SYN3: variants seen among roughly 807,000 people sequenced by gnomAD.
The protein encoded by SYN3 is synapsin-3.
A neutral mutation model predicts 65.8 loss-of-function variants in SYN3; 35 were observed. That is an observed-to-expected ratio of 0.53 (90% CI 0.41 to 0.70). SYN3 has a LOEUF of 0.70. SYN3 is among the 30% of genes least tolerant of loss of function. The pLI, the probability that SYN3 is intolerant of heterozygous loss-of-function variation, is 0.00. For synonymous variants in SYN3, 270 were observed against 292.9 expected, an observed-to-expected ratio of 0.92 and a Z score of 0.80; for missense variants, 680 against 749.0, an observed-to-expected ratio of 0.91 and a Z score of 1.08.
At chr22:32,828,619 G>T (rs1443827168) in intron 6 of SYN3, among the ~76,000 whole-genome samples, 1 of 152,232 alleles carries the variant, frequency 6.6e-6, no homozygotes, top group Non-Finnish European at 1.5e-5. Context: ...CAGGCCCAGG[G>T]ACAGGAAGTG....
chr22:32,516,073 C>T (rs1366193154), intron 13 of SYN3, among the ~76,000 whole-genome samples: 1 of 152,196 alleles, frequency 6.6e-6, no homozygotes, highest in East Asian at 1.9e-4. Context: ...GTTGGGATTA[C>T]AGGCATGAGC....
intron 4 of SYN3, among the ~76,000 whole-genome samples, chr22:32,873,993 G>A (rs988509030): frequency 1.3e-5 from 2 of 152,088 alleles, no homozygotes. Context: ...AATTAGCTGG[G>A]CATAGTGGCA....
In SYN3 at chr22:32,569,454, A is replaced by C. The variant is rs952316171; in HGVS notation, c.774+27220T>G. ...ATCTATCTATCTATCTATCTTCTCT[A>C]TCTATCTAAAATCTATCAATTGATC... is the stretch of plus-strand genomic sequence containing the variant. On this transcript the variant is annotated intron_variant, in intron 7 of 13. Coordinates refer to ENST00000358763, the MANE Select transcript of SYN3 (RefSeq NM_003490.4). Among the ~76,000 whole-genome samples the C allele has an allele frequency of 9.6e-4, 137 of 142,258 alleles. 1 individual carries two copies. The highest frequency in any genetic ancestry group is 2.9e-3 in the African/African-American group (110 of 38,032). The allele number at this position is 142,258 out of a possible 152,430, so 93.3% of individuals were successfully genotyped here.
At chr22:32,990,349 C>T (rs536423417) in intron 2 of SYN3, among the ~76,000 whole-genome samples, 1 of 151,492 alleles carries the variant, frequency 6.6e-6, no homozygotes, top group South Asian at 2.1e-4. Context: ...TCCATCCACC[C>T]ATCCATCCAC....
chr22:32,760,264 G>T (rs1300010483), intron 6 of SYN3, among the ~76,000 whole-genome samples: 4 of 138,178 alleles, frequency 2.9e-5, no homozygotes, highest in African/African-American at 1.1e-4. Context: ...GCCCTTCCTT[G>T]ATTGAGTCTA....
chr22:32,593,742 T>G (rs561645795), intron 7 of SYN3, among the ~76,000 whole-genome samples: 166 of 152,170 alleles, frequency 1.1e-3, no homozygotes, highest in Non-Finnish European at 1.9e-3. Flanking sequence ...CCTGATGCTC[T>G]GGGAAGGAAA....
chr22:32,979,163 G>T (rs2052298319), intron 3 of SYN3, among the ~76,000 whole-genome samples: 1 of 150,546 alleles, frequency 6.6e-6, no homozygotes, highest in Non-Finnish European at 1.5e-5. Flanking sequence ...ACTCCAGCCT[G>T]GGCAAGAGAG....
intron 2 of SYN3, among the ~76,000 whole-genome samples, chr22:32,982,604 T>C (rs900453688): frequency 2.0e-5 from 3 of 152,240 alleles, no homozygotes; most frequent in Non-Finnish European, 4.4e-5. Context: ...TTATAATTAG[T>C]AACTGTGTTT....
At chr22:33,005,224 G>A (rs961653802) in intron 2 of SYN3, among the ~76,000 whole-genome samples, 1 of 152,158 alleles carries the variant, frequency 6.6e-6, no homozygotes, top group Non-Finnish European at 1.5e-5. Flanking sequence ...CACCTACTAT[G>A]TGGCCACCTT....
intron 6 of SYN3, among the ~76,000 whole-genome samples, chr22:32,798,038 A>G (rs977475163): frequency 1.3e-5 from 2 of 152,212 alleles, no homozygotes; most frequent in African/African-American, 4.8e-5. Context: ...TTCATTTCCC[A>G]GAAACAAAGT....
intron 6 of SYN3, among the ~76,000 whole-genome samples, chr22:32,607,943 G>A (rs1203998298): frequency 6.6e-6 from 1 of 152,162 alleles, no homozygotes; most frequent in Admixed American, 6.5e-5. Context: ...ATGGATACAC[G>A]CAGCTGCGGG....
At chr22:32,612,186 T>C (rs1233498470) in intron 6 of SYN3, among the ~76,000 whole-genome samples, 1 of 152,152 alleles carries the variant, frequency 6.6e-6, no homozygotes, top group African/African-American at 2.4e-5. Context: ...CCAATAAATA[T>C]AAGTAAAGTG....
Position 33,006,682 on chromosome 22 carries a change from T to C in SYN3, c.-20A>G. On this transcript the variant is annotated 5_prime_UTR_variant, in exon 2 of 14. Transcript: ENST00000358763. ...ATTCATGGCTGTGGATGGATGGAGA[T>C]GACTGGCTCCTACCCAGACGTGTGT... 6.4e-7 allele frequency: 1 copy of C among 1,557,286 alleles called. No homozygotes were observed. Among genetic ancestry groups the C allele is most frequent in the Non-Finnish European group, 8.7e-7 (1 of 1,150,896 alleles).
chr22:32,977,780 T>G (rs1310845531), intron 3 of SYN3, among the ~76,000 whole-genome samples: 8 of 149,972 alleles, frequency 5.3e-5, no homozygotes, highest in Admixed American at 5.3e-4. Flanking sequence ...TTATCGCCCC[T>G]GGAAACTGAC....
At chr22:33,046,006 A>AG in intron 1 of SYN3, among the ~76,000 whole-genome samples, 1 of 150,504 alleles carries the variant, frequency 6.6e-6, no homozygotes, top group South Asian at 2.1e-4. Context: ...AAAGCAATTA[A>AG]AAAAAAAAAC....
rs1184036623 is a variant in SYN3, at chr22:33,042,918, T to C, written c.-163+15374A>G. On this transcript the variant is annotated intron_variant, in intron 1 of 13. Transcript: ENST00000358763. ...CTGCAGGTGGAAGCCCTGGGGATGT[T>C]CCGGAGCTTCTGCCTCCCTGCTCCC... Among the ~76,000 whole-genome samples the C allele has an allele frequency of 2.6e-5, 4 of 152,304 alleles. No individual in the cohort carries two copies. The East Asian group carries it at 5.8e-4, about 22-fold the overall frequency.
chr22:33,007,608 T>C (rs1354663046), intron 1 of SYN3, among the ~76,000 whole-genome samples: 2 of 152,190 alleles, frequency 1.3e-5, no homozygotes, highest in African/African-American at 4.8e-5. Context: ...TTGCTTTCCC[T>C]GCACTGTGTG....
intron 6 of SYN3, among the ~76,000 whole-genome samples, chr22:32,841,333 C>T (rs1376069346): frequency 1.3e-5 from 2 of 152,042 alleles, no homozygotes; most frequent in African/African-American, 4.8e-5. Context: ...GTGTCAGGGG[C>T]CAAGGGATTG....
intron 6 of SYN3, among the ~76,000 whole-genome samples, chr22:32,656,977 G>T (rs377305961): frequency 9.2e-5 from 14 of 152,230 alleles, no homozygotes; most frequent in African/African-American, 3.4e-4. Context: ...AAGAAAGCTG[G>T]CAAGGTGGGT....
Sources: gnomAD v4.1 joint callset for allele counts (sites outside exome capture counted in the v4.1 genomes callset) on GRCh38, gnomAD v4.1.1 for gene constraint, MANE v1.5 for transcripts, NCBI Gene and HGNC (gene_info 2026-07-23, HGNC 2026-07-21) for gene names.